The following KCNJ9 variants were observed in gnomAD, a reference collection of about 807,000 sequenced individuals.
KCNJ9 encodes the protein G protein-activated inward rectifier potassium channel 3.
KCNJ9 carries 18 observed loss-of-function variants against 27.9 expected under a neutral mutation model. That is an observed-to-expected ratio of 0.65 (90% CI 0.45 to 0.96). KCNJ9 has a LOEUF of 0.96. Among genes scored for constraint, KCNJ9 ranks in the 40% least tolerant of loss-of-function variants. The probability of loss-of-function intolerance (pLI) is 0.00; values close to 1 mark genes in which losing one functional copy is unlikely to be tolerated. For synonymous variants in KCNJ9, 229 were observed against 248.2 expected (o/e 0.92, Z 0.73); for missense variants, 324 against 557.5 (o/e 0.58, Z 4.22).
At chr1:160,083,647 G>C (rs553374900) in intron 1 of KCNJ9, among the ~76,000 whole-genome samples, 1 of 152,334 alleles carries the variant, frequency 6.6e-6, no homozygotes, top group South Asian at 2.1e-4. Context: ...CCAGCTGGAG[G>C]TGATGGCACC....
At position 160,087,821 on chromosome 1, in the gene KCNJ9, GCTTC is replaced by G; in HGVS notation, c.*7_*10del. 6.8e-7 allele frequency: 1 copy of G among 1,479,640 alleles called. No individual in the cohort carries two copies. 91.7% of individuals were successfully genotyped at this position (1,479,640 alleles called of 1,614,324 possible). A position where few individuals can be genotyped will look rare whatever the true frequency, so the allele number is the denominator to read the frequency against. ...AGAGAGTGAGTCCAAGGTGTGACCA[GCTTC>G]CTCCAGACCCCTGTGGCAGACCGGG... On this transcript the variant is annotated 3_prime_UTR_variant, in exon 3 of 3. Transcript: ENST00000368088.
In KCNJ9 at chr1:160,084,198, G is replaced by A; in HGVS notation, c.168G>A (p.Gln56=). 6.2e-7 allele frequency: 1 copy of A among 1,611,946 alleles called. No individual in the cohort carries two copies. Among genetic ancestry groups the A allele is most frequent in the Non-Finnish European group, 8.5e-7 (1 of 1,179,184 alleles). The change falls in exon 2 of 3, where the codon CAG becomes CAA. Residue 56 remains glutamine, a synonymous_variant. Transcript: ENST00000368088. ...TGTTCACCACGCTGGTGGACCTGCA[G>A]TGGCGCCTCAGCCTGTTGTTCTTCG... ...TDLFTTLVDL[Q]WRLSLLFFVL...
Position 160,083,982 on chromosome 1 carries a change from C to T in KCNJ9, c.-49C>T. On this transcript the variant is annotated 5_prime_UTR_variant, in exon 2 of 3. Transcript: ENST00000368088. ...GCGCGGCAGGTGGCAGCAGCTCGGG[C>T]CCCCGCCGCACTCCAGGCGCCCGCA... is the stretch of plus-strand genomic sequence containing the variant. 8.2e-7 allele frequency: 1 copy of T among 1,222,226 alleles called. No homozygotes were observed. Among genetic ancestry groups the T allele is most frequent in the Non-Finnish European group, 1.0e-6 (1 of 984,496 alleles). The allele number at this position is 1,222,226 out of a possible 1,614,324, so 75.7% of individuals were successfully genotyped here.
Position 160,087,835 on chromosome 1 carries a change from C to T in KCNJ9, c.*18C>T. The stretch of plus-strand genomic sequence containing the variant: ...AGGTGTGACCAGCTTCCTCCAGACC[C>T]CTGTGGCAGACCGGGGGCCAGACAC... On this transcript the variant is annotated 3_prime_UTR_variant, in exon 3 of 3. Coordinates refer to ENST00000368088, the MANE Select transcript of KCNJ9 (RefSeq NM_004983.3). 1 of 1,437,924 alleles carries T rather than the reference C, an allele frequency of 7.0e-7. No individual in the cohort carries two copies. Among genetic ancestry groups the T allele is most frequent in the Non-Finnish European group, 9.1e-7 (1 of 1,095,910 alleles). 89.1% of individuals were successfully genotyped at this position (1,437,924 alleles called of 1,614,324 possible).
rs1649727571 is a variant in KCNJ9 at position 160,083,899 on chromosome 1, C to T, written c.-114-18C>T. On this transcript the variant is annotated intron_variant, in intron 1 of 2. Coordinates refer to ENST00000368088, the MANE Select transcript of KCNJ9 (RefSeq NM_004983.3). Reference sequence around the variant, plus strand: ...CCCATCTCCCGAGGGGCCACTCATTCGGCAAACCTTTATTAAGCCCCTCCA... The same window carrying T: ...CCCATCTCCCGAGGGGCCACTCATTTGGCAAACCTTTATTAAGCCCCTCCA... The T allele has an allele frequency of 2.4e-6, 2 of 849,802 alleles. No homozygotes were observed. The highest frequency in any genetic ancestry group is 3.0e-6 in the Non-Finnish European group (2 of 657,856). 52.6% of individuals were successfully genotyped at this position (849,802 alleles called of 1,614,324 possible).
At chr1:160,086,415 G>A (rs1649777642) in intron 2 of KCNJ9, among the ~76,000 whole-genome samples, 1 of 152,170 alleles carries the variant, frequency 6.6e-6, no homozygotes, top group Non-Finnish European at 1.5e-5. Context: ...GAGGAGATGA[G>A]GATAGGAATC....
rs1476672917 is a variant in KCNJ9, at chr1:160,081,709, T to C, written c.-115+12T>C. The C allele has an allele frequency of 1.3e-5, 2 of 152,012 alleles. No individual in the cohort carries two copies. The highest frequency in any genetic ancestry group is 6.6e-5 in the Admixed American group (1 of 15,264). The allele number at this position is 152,012 out of a possible 1,614,324, so 9.4% of individuals were successfully genotyped here. On this transcript the variant is annotated intron_variant, in intron 1 of 2. Coordinates refer to ENST00000368088, the MANE Select transcript of KCNJ9 (RefSeq NM_004983.3). ...CCTCTCCACGTGCTGTGAGTTGAGT[T>C]GCGGGGGACTTGGGGTTTGGGCCCC... is the stretch of plus-strand genomic sequence containing the variant.
At chr1:160,083,408 G>C (rs1291095304) in intron 1 of KCNJ9, among the ~76,000 whole-genome samples, 1 of 152,204 alleles carries the variant, frequency 6.6e-6, no homozygotes, top group Non-Finnish European at 1.5e-5. Context: ...GAGAAAGACT[G>C]TGTATCAGTC....
rs544691029 is a variant in KCNJ9 at position 160,087,324 on chromosome 1, A to T, written c.851-162A>T. Among the ~76,000 whole-genome samples, 10 of 152,210 alleles carry T rather than the reference A, an allele frequency of 6.6e-5. No individual in the cohort carries two copies. In the South Asian group the frequency reaches 2.1e-3, roughly 32 times the overall value. ...GGAGAAGACACGAGGGAGCTGGGTAAGAACAGGAGCTAGGGAGGGGGGGAA... is the reference window on the plus strand; with the variant it reads ...GGAGAAGACACGAGGGAGCTGGGTATGAACAGGAGCTAGGGAGGGGGGGAA... On this transcript the variant is annotated intron_variant, in intron 2 of 2. Coordinates refer to ENST00000368088, the MANE Select transcript of KCNJ9 (RefSeq NM_004983.3).
intron 2 of KCNJ9, 139 bp downstream of exon 2, chr1:160,085,019 C>T: frequency 2.0e-6 from 2 of 1,021,326 alleles, no homozygotes; most frequent in Non-Finnish European, 2.8e-6. Flanking sequence ...TGAGGTGAGA[C>T]AGGGGTCGGA....
chr1:160,087,999 G>A lies in KCNJ9; in HGVS notation c.*182G>A, dbSNP rs1649814575. 2 of 508,422 alleles carry A rather than the reference G, an allele frequency of 3.9e-6. No individual in the cohort carries two copies. The highest frequency in any genetic ancestry group is 6.3e-6 in the Non-Finnish European group (2 of 317,676). 31.5% of individuals were successfully genotyped at this position (508,422 alleles called of 1,614,324 possible). On this transcript the variant is annotated 3_prime_UTR_variant, in exon 3 of 3. Transcript: ENST00000368088. ...CTAGAAACCAGTATGGAAGGGAGGG[G>A]TCCTGATTTCAGGGAAATGGAGGGT... is the stretch of plus-strand genomic sequence containing the variant.
intron 1 of KCNJ9, among the ~76,000 whole-genome samples, chr1:160,082,376 C>T (rs907341506): frequency 6.6e-6 from 1 of 152,222 alleles, no homozygotes; most frequent in Non-Finnish European, 1.5e-5. Flanking sequence ...CCCTAATCTT[C>T]CATTGCCATG....
chr1:160,087,594 C>A lies in KCNJ9; in HGVS notation c.959C>A (p.Ala320Asp), dbSNP rs1325203283. 2.5e-6 allele frequency: 4 copies of A among 1,613,862 alleles called. No homozygotes were observed. Among genetic ancestry groups the A allele is most frequent in the Admixed American group, 1.7e-5 (1 of 60,008 alleles). The change falls in exon 3 of 3, where the codon GCC becomes GAC. Residue 320 changes from alanine (A) to aspartate (D), a missense_variant. Around this residue, in one of 3 missense-constraint regions of KCNJ9, gnomAD observed 241 missense variants for 481.7 expected, o/e 0.50. Transcript: ENST00000368088. ...GACGGCTTCTACGAAGTGGACTATG[C>A]CAGCTTTCACGAGACTTTTGAGGTG... The part of the protein sequence containing the change: ...LEDGFYEVDY[A>D]SFHETFEVPT...
Position 160,084,381 on chromosome 1 carries a change from C to T in KCNJ9, c.351C>T (p.Thr117=). The part of the protein sequence containing the change: ...FVAAFLFSIE[T]ETTIGYGHRV... The stretch of plus-strand genomic sequence containing the variant: ...CCGCCTTCCTCTTCTCCATCGAGAC[C>T]GAGACCACCATCGGCTACGGGCACC... Residue 117 remains threonine (T), a synonymous_variant, in exon 2 of 3, where the codon ACC becomes ACT. Transcript: ENST00000368088. 1 of 1,613,716 alleles carries T rather than the reference C, an allele frequency of 6.2e-7. No homozygotes were observed. Among genetic ancestry groups the T allele is most frequent in the Non-Finnish European group, 8.5e-7 (1 of 1,179,914 alleles).
chr1:160,084,643 A>C lies in KCNJ9; in HGVS notation c.613A>C (p.Ile205Leu). ...LRSSHIVEAS[I>L]RAKLIRSRQT... ...CTCCTCACACATAGTGGAGGCCTCC[A>C]TCCGCGCCAAGCTCATCCGCTCGCG... The change falls in exon 2 of 3, where the codon ATC becomes CTC. Residue 205 changes from isoleucine (I) to leucine (L), a missense_variant. Physicochemically the swap from Ile to Leu is conservative, Grantham distance 5. Coordinates refer to ENST00000368088, the MANE Select transcript of KCNJ9 (RefSeq NM_004983.3). 1 of 1,602,682 alleles carries C rather than the reference A, an allele frequency of 6.2e-7. No individual in the cohort carries two copies.
intron 1 of KCNJ9, 137 bp from the exon 2 acceptor site, chr1:160,083,780 A>T (rs962265405): frequency 1.1e-5 from 3 of 272,240 alleles, no homozygotes; most frequent in South Asian, 3.4e-4. Flanking sequence ...GTTAGGGCTG[A>T]ATGTGTTATT....
At chr1:160,085,787 G>A (rs1226021271) in intron 2 of KCNJ9, among the ~76,000 whole-genome samples, 1 of 152,208 alleles carries the variant, frequency 6.6e-6, no homozygotes. Context: ...AGGACCAAAG[G>A]CCCACTAGGG....
At chr1:160,084,978 T>C (rs1212514959) in intron 2 of KCNJ9, 98 bp downstream of exon 2, 1 of 1,318,862 alleles carries the variant, frequency 7.6e-7, no homozygotes, top group African/African-American at 1.5e-5. Flanking sequence ...CTGGGGAGGA[T>C]GGATGGAGGG....
At chr1:160,081,996 C>T (rs1294105105) in intron 1 of KCNJ9, among the ~76,000 whole-genome samples, 1 of 152,202 alleles carries the variant, frequency 6.6e-6, no homozygotes, top group South Asian at 2.1e-4. Context: ...AACAATTTCA[C>T]ACTTTTCCTT....
Sources: gnomAD v4.1 joint callset for allele counts (sites outside exome capture counted in the v4.1 genomes callset) on GRCh38, gnomAD v4.1.1 for gene constraint, gnomAD v4.1.1 regional missense constraint, MANE v1.5 for transcripts, NCBI Gene and HGNC (gene_info 2026-07-23, HGNC 2026-07-21) for gene names.